The following ELAPOR2 variants were observed in gnomAD, a reference collection of about 807,000 sequenced individuals.
The protein encoded by ELAPOR2 is endosome-lysosome associated apoptosis and autophagy regulator family member 2, also known as endosome/lysosome-associated apoptosis and autophagy regulator family member 2.
In ELAPOR2, 89 loss-of-function variants were observed where a neutral mutation model predicts 120.7. The ratio of observed to expected loss-of-function variants is 0.74; its 90% CI spans 0.62 to 0.88. The LOEUF is 0.88. ELAPOR2 is among the 40% of genes least tolerant of loss of function. ELAPOR2 has a pLI of 0.00. For missense variants in ELAPOR2, 1,134 were observed against 1,251.6 expected, an observed-to-expected ratio of 0.91 and a Z score of 1.42; for synonymous variants, 444 against 444.9, an observed-to-expected ratio of 1.00 and a Z score of 0.03.
chr7:87,053,748 G>T (rs571607209), intron 1 of ELAPOR2, among the ~76,000 whole-genome samples: 1 of 152,238 alleles, frequency 6.6e-6, no homozygotes, highest in African/African-American at 2.4e-5. Flanking sequence ...TAGGATATAG[G>T]GATGGATCTA....
chr7:86,951,445 T>A, intron 2 of ELAPOR2, among the ~76,000 whole-genome samples: 1 of 152,252 alleles, frequency 6.6e-6, no homozygotes, highest in African/African-American at 2.4e-5. Flanking sequence ...AATACAATGA[T>A]GCCATTTTGG....
In ELAPOR2 at chr7:86,986,424, G is replaced by A. The variant is rs1447327179; in HGVS notation, c.190-21400C>T. On this transcript the variant is annotated intron_variant, in intron 1 of 21. Transcript: ENST00000450689. ...AGCCTGGGCGACAGAGCGAGACTCC[G>A]TCTCAAAAAAAAAAAAAAAGAAAAC... is the stretch of plus-strand genomic sequence containing the variant. Among the ~76,000 whole-genome samples, 272 of 81,096 alleles carry A rather than the reference G, an allele frequency of 3.4e-3. 82 individuals are homozygous for A. The highest frequency in any genetic ancestry group is 0.018 in the African/African-American group (258 of 14,272). 53.2% of individuals were successfully genotyped at this position (81,096 alleles called of 152,430 possible).
At chr7:86,892,898 G>A in intron 20 of ELAPOR2, 24 bp downstream of exon 20, 2 of 1,475,880 alleles carry the variant, frequency 1.4e-6, no homozygotes, top group Non-Finnish European at 1.8e-6. Flanking sequence ...TAGCTCTCTT[G>A]TGATCATCTC....
chr7:86,958,212 T>G (rs547077893), intron 2 of ELAPOR2, among the ~76,000 whole-genome samples: 96 of 152,298 alleles, frequency 6.3e-4, no homozygotes, highest in African/African-American at 2.2e-3. Context: ...TTTGTGACTC[T>G]GAGCTATTGT....
intron 1 of ELAPOR2, among the ~76,000 whole-genome samples, chr7:87,035,257 C>T (rs1794550923): frequency 6.6e-6 from 1 of 152,182 alleles, no homozygotes; most frequent in African/African-American, 2.4e-5. Context: ...GAACTCATGG[C>T]TCCTACACAT....
chr7:87,019,219 T>C (rs1010679340), intron 1 of ELAPOR2, among the ~76,000 whole-genome samples: 1 of 152,210 alleles, frequency 6.6e-6, no homozygotes, highest in Admixed American at 6.5e-5. Flanking sequence ...GCTGGAGTAT[T>C]GTAGCACAAT....
At position 87,043,031 on chromosome 7, in the gene ELAPOR2, G is replaced by A. The variant is rs1000120828; in HGVS notation, c.189+16294C>T. On this transcript the variant is annotated intron_variant, in intron 1 of 21. Transcript: ENST00000450689. ...TCTAGAAGAAATGGATAAATTCCTT[G>A]ACACATACACTCTCCCAACACTAAA... Among the ~76,000 whole-genome samples, 61 of 152,226 alleles carry A rather than the reference G, an allele frequency of 4.0e-4. 1 individual carries two copies. Among genetic ancestry groups the A allele is most frequent in the African/African-American group, 1.3e-3 (56 of 41,504 alleles).
intron 1 of ELAPOR2, among the ~76,000 whole-genome samples, chr7:86,978,956 C>T (rs1583938646): frequency 6.6e-6 from 1 of 152,178 alleles, no homozygotes; most frequent in Non-Finnish European, 1.5e-5. Context: ...TTCTGAAATG[C>T]AGATTTGAAG....
intron 12 of ELAPOR2, 112 bp from the exon 13 acceptor site, chr7:86,914,972 G>A: frequency 1.1e-6 from 1 of 890,658 alleles, no homozygotes; most frequent in Non-Finnish European, 1.6e-6. Flanking sequence ...TACAGTTTAT[G>A]ACTATTTACA....
In ELAPOR2 at chr7:87,059,373, A is replaced by G; in HGVS notation, c.141T>C (p.Ala47=). 1 of 1,245,902 alleles carries G rather than the reference A, an allele frequency of 8.0e-7. No individual in the cohort carries two copies. Among genetic ancestry groups the G allele is most frequent in the Middle Eastern group, 2.8e-4 (1 of 3,570 alleles). 77.2% of individuals were successfully genotyped at this position (1,245,902 alleles called of 1,614,324 possible). The part of the protein sequence containing the change: ...WALAGCQAAW[A]GDLPSSSSRP... Reference sequence around the variant, plus strand: ...GGCTGGAGGAGGAGGGCAGGTCCCCAGCCCAGGCCGCCTGGCAGCCGGCGA... The same window carrying G: ...GGCTGGAGGAGGAGGGCAGGTCCCCGGCCCAGGCCGCCTGGCAGCCGGCGA... Residue 47 remains alanine, a synonymous_variant, in exon 1 of 22, where the codon GCT becomes GCC. Transcript: ENST00000450689.
rs572745575 is a variant in ELAPOR2 at position 87,039,727 on chromosome 7, T to A, written c.189+19598A>T. Among the ~76,000 whole-genome samples, 103 of 151,634 alleles carry A rather than the reference T, an allele frequency of 6.8e-4. No homozygotes were observed. The East Asian group carries it at 0.016, about 23-fold the overall frequency. On this transcript the variant is annotated intron_variant, in intron 1 of 21. Transcript: ENST00000450689. ...AACATCCCTTTATGATAAAAAAAAA[T>A]TTAAAAACTAGGTATAGAAGGAACA...
intron 1 of ELAPOR2, among the ~76,000 whole-genome samples, chr7:87,031,351 T>C (rs1288478460): frequency 2.6e-5 from 4 of 152,224 alleles, no homozygotes; most frequent in East Asian, 1.9e-4. Flanking sequence ...AGTATGTCAA[T>C]GCTCATTACC....
At position 86,903,705 on chromosome 7, in the gene ELAPOR2, T is replaced by G. The variant is rs187571969; in HGVS notation, c.2558+3965A>C. Among the ~76,000 whole-genome samples, 14 of 152,304 alleles carry G rather than the reference T, an allele frequency of 9.2e-5. No homozygotes were observed. The East Asian group carries it at 2.7e-3, about 29-fold the overall frequency. On this transcript the variant is annotated intron_variant, in intron 18 of 21. Transcript: ENST00000450689. The stretch of plus-strand genomic sequence containing the variant: ...GCGTTCCTTTTGTGAGATTCAATAT[T>G]CCCAGAGGCTATACTGATAATGGAG...
chr7:86,983,046 G>GCTTC (rs1792568734), intron 1 of ELAPOR2, among the ~76,000 whole-genome samples: 1 of 152,158 alleles, frequency 6.6e-6, no homozygotes, highest in South Asian at 2.1e-4. Flanking sequence ...ACATGCACAA[G>GCTTC]CTTCATTAGC....
At position 86,925,588 on chromosome 7, in the gene ELAPOR2, G is replaced by A. The variant is rs1790029052; in HGVS notation, c.1339C>T (p.Pro447Ser). 6.2e-7 allele frequency: 1 copy of A among 1,612,030 alleles called. No homozygotes were observed. Among genetic ancestry groups the A allele is most frequent in the South Asian group, 1.1e-5 (1 of 91,046 alleles). ...GFEYKWWNVL[P>S]GNMKTSCFNV... Reference sequence around the variant, plus strand: ...AAGCAGGAAGTTTTCATGTTGCCAGGAAGGACATTCCACCATTTATATTCA... The same window carrying A: ...AAGCAGGAAGTTTTCATGTTGCCAGAAAGGACATTCCACCATTTATATTCA... Residue 447 changes from proline to serine, a missense_variant, in exon 10 of 22, where the codon CCT becomes TCT. Pro to Ser is a moderately conservative substitution (Grantham distance 74). Transcript: ENST00000450689.
intron 15 of ELAPOR2, 33 bp downstream of exon 15, chr7:86,912,039 T>C (rs1217979114): frequency 1.9e-6 from 3 of 1,573,416 alleles, no homozygotes; most frequent in African/African-American, 1.4e-5. Flanking sequence ...AGCTGAAATA[T>C]AGGTCCATCT....
chr7:86,926,193 C>G (rs986830098), intron 9 of ELAPOR2, among the ~76,000 whole-genome samples: 2 of 151,966 alleles, frequency 1.3e-5, no homozygotes, highest in African/African-American at 2.4e-5. Flanking sequence ...ATAAATAAGC[C>G]TGATTTAAAT....
At chr7:86,913,749 T>C (rs1789429850) in intron 13 of ELAPOR2, among the ~76,000 whole-genome samples, 1 of 152,150 alleles carries the variant, frequency 6.6e-6, no homozygotes, top group Admixed American at 6.5e-5. Context: ...CTAATCAACA[T>C]ACAGAAAAGA....
At chr7:86,973,211 G>C (rs778796751) in intron 1 of ELAPOR2, among the ~76,000 whole-genome samples, 1 of 152,144 alleles carries the variant, frequency 6.6e-6, no homozygotes, top group Non-Finnish European at 1.5e-5. Context: ...CCATTGGCCT[G>C]AGGATAAAGT....
Sources: gnomAD v4.1 joint callset for allele counts (sites outside exome capture counted in the v4.1 genomes callset) on GRCh38, gnomAD v4.1.1 for gene constraint, MANE v1.5 for transcripts, NCBI Gene and HGNC (gene_info 2026-07-23, HGNC 2026-07-21) for gene names.